The following CCDC171 variants were observed in gnomAD, a reference collection of about 807,000 sequenced individuals.
CCDC171 encodes the protein coiled-coil domain-containing protein 171.
A neutral mutation model predicts 168.2 loss-of-function variants in CCDC171; 177 were observed. The ratio of observed to expected loss-of-function variants is 1.05; its 90% confidence interval spans 0.93 to 1.19. The LOEUF (loss-of-function observed/expected upper bound fraction) is 1.19. Ranked by LOEUF, CCDC171 falls within the 50% of genes most tolerant of loss-of-function variation. The pLI is 0.00. For synonymous variants in CCDC171, 687 were observed against 540.8 expected (o/e 1.27, Z -3.75); for missense variants, 1,991 against 1,539.0 (o/e 1.29, Z -4.91).
chr9:15,734,600 A>G (rs1372209448), intron 16 of CCDC171, among the ~76,000 whole-genome samples: 1 of 152,170 alleles, frequency 6.6e-6, no homozygotes, highest in African/African-American at 2.4e-5. Flanking sequence ...ATTTATGTAC[A>G]TATTTGCTTT....
chr9:15,960,427 A>G (rs1209851662), intron 25 of CCDC171, among the ~76,000 whole-genome samples: 1 of 152,218 alleles, frequency 6.6e-6, no homozygotes, highest in African/African-American at 2.4e-5. Flanking sequence ...ATATGGGTTT[A>G]GGTATCTTTA....
rs562456555 is a variant in CCDC171, at chr9:15,660,888, A to G, written c.915+3669A>G. Among the ~76,000 whole-genome samples, 5 of 152,278 alleles carry G rather than the reference A, an allele frequency of 3.3e-5. No individual in the cohort carries two copies. In the South Asian group the frequency reaches 6.2e-4, roughly 19 times the overall value. On this transcript the variant is annotated intron_variant, in intron 8 of 25. Coordinates refer to ENST00000380701, the MANE Select transcript of CCDC171 (RefSeq NM_173550.4). ...AATGGTAGTTCTGAGTTCTTTGAGA[A>G]ATCTCCACTCCACTTTCCGCAGTGG...
chr9:15,917,978 A>G (rs912443269), intron 24 of CCDC171, among the ~76,000 whole-genome samples: 7 of 151,760 alleles, frequency 4.6e-5, no homozygotes, highest in African/African-American at 1.4e-4. Context: ...AATAGTAATA[A>G]TACTACAATG....
chr9:15,924,556 A>C (rs558603657), intron 25 of CCDC171, among the ~76,000 whole-genome samples: 1 of 151,510 alleles, frequency 6.6e-6, no homozygotes, highest in Non-Finnish European at 1.5e-5. Context: ...TACAAATTTC[A>C]TCATTTTATC....
intron 16 of CCDC171, among the ~76,000 whole-genome samples, chr9:15,740,905 T>C (rs1419603067): frequency 6.6e-6 from 1 of 152,216 alleles, no homozygotes; most frequent in Non-Finnish European, 1.5e-5. Flanking sequence ...AATAATTGAA[T>C]CTTTGTGATG....
chr9:15,639,348 A>G (rs2046424767), intron 7 of CCDC171, among the ~76,000 whole-genome samples: 1 of 152,092 alleles, frequency 6.6e-6, no homozygotes. Context: ...TTGGAACTTC[A>G]GTTAAAAATT....
intron 9 of CCDC171, among the ~76,000 whole-genome samples, chr9:15,677,902 A>G (rs2049728421): frequency 9.5e-5 from 2 of 21,100 alleles, no homozygotes; most frequent in African/African-American, 2.2e-4. Context: ...ATATATATAT[A>G]TATATATATA....
At chr9:15,691,542 T>TATA (rs1554762137) in intron 10 of CCDC171, among the ~76,000 whole-genome samples, 8,393 of 112,610 alleles carry the variant, frequency 0.075, 594 homozygotes, top group Admixed American at 0.14. Flanking sequence ...TAAATATATG[T>TATA]TTTTTATATA....
chr9:15,718,906 C>T (rs2053267314), intron 11 of CCDC171, among the ~76,000 whole-genome samples: 1 of 152,176 alleles, frequency 6.6e-6, no homozygotes, highest in African/African-American at 2.4e-5. Context: ...AAATAACTAA[C>T]TCGTCAATGC....
At chr9:15,696,235 G>A (rs1039812) in intron 11 of CCDC171, among the ~76,000 whole-genome samples, 141,870 of 152,292 alleles carry the variant, frequency 0.93, 66,225 homozygotes, top group East Asian at 1. Context: ...AGTTCAGGAA[G>A]TTTTTGTCCT....
rs184386921 is a variant in CCDC171 at position 15,641,445 on chromosome 9, C to G, written c.823-15682C>G. 2.9e-4 allele frequency among the ~76,000 whole-genome samples: 44 copies of G among 152,254 alleles called. No homozygotes were observed. The Middle Eastern group carries it at 0.01, about 35-fold the overall frequency. On this transcript the variant is annotated intron_variant, in intron 7 of 25. Transcript: ENST00000380701. ...CTGTTTTGTTTACTCAATCTTTCAG[C>G]ACATTCATTGTACACATATGTTTTC...
chr9:15,977,586 A>T (rs1831662517), downstream of CCDC171, among the ~76,000 whole-genome samples: 1 of 152,212 alleles, frequency 6.6e-6, no homozygotes, highest in South Asian at 2.1e-4. Context: ...TGTTATCTGA[A>T]GACAGTTTTT....
chr9:15,891,023 T>C (rs904197328), intron 24 of CCDC171, among the ~76,000 whole-genome samples: 2 of 152,188 alleles, frequency 1.3e-5, no homozygotes, highest in Non-Finnish European at 1.5e-5. Flanking sequence ...TTCAGGTATA[T>C]TGAAAATTGT....
intron 25 of CCDC171, among the ~76,000 whole-genome samples, chr9:15,944,127 G>T (rs1458403066): frequency 6.6e-6 from 1 of 151,904 alleles, no homozygotes; most frequent in African/African-American, 2.4e-5. Flanking sequence ...ACCCTTACAG[G>T]TTTTTTTGTG....
At chr9:15,601,422 A>G (rs2042842279) in intron 6 of CCDC171, among the ~76,000 whole-genome samples, 1 of 151,906 alleles carries the variant, frequency 6.6e-6, no homozygotes, top group Non-Finnish European at 1.5e-5. Context: ...TCTTCCCATT[A>G]CCTCTTCTGT....
chr9:15,563,194 A>G (rs1053626698), intron 1 of CCDC171, among the ~76,000 whole-genome samples: 11 of 150,020 alleles, frequency 7.3e-5, no homozygotes, highest in Admixed American at 2.0e-4. Context: ...GCTTGAGTGC[A>G]ATGGTGCAAT....
At chr9:15,744,245 C>T in intron 16 of CCDC171, 28 bp from the exon 17 acceptor site, 2 of 1,524,112 alleles carry the variant, frequency 1.3e-6, no homozygotes, top group Non-Finnish European at 1.8e-6. Context: ...GTTTCATGAT[C>T]AAATATATTT....
At chr9:16,009,233 C>A (rs946583818) in intron 3 of CCDC171, among the ~76,000 whole-genome samples, 2 of 151,990 alleles carry the variant, frequency 1.3e-5, no homozygotes, top group African/African-American at 4.8e-5. Context: ...AGTGGTCTGA[C>A]CTTAGGAGGG....
In CCDC171 at chr9:15,625,704, G is replaced by A. The variant is rs566402805; in HGVS notation, c.822+2291G>A. Reference sequence around the variant, plus strand: ...TCTGTTTTGGTAGCAGTACTATGCTGTTTTGGTTACTGTAGCCTTGTATTA... The same window carrying A: ...TCTGTTTTGGTAGCAGTACTATGCTATTTTGGTTACTGTAGCCTTGTATTA... On this transcript the variant is annotated intron_variant, in intron 7 of 25. Coordinates refer to ENST00000380701, the MANE Select transcript of CCDC171 (RefSeq NM_173550.4). 2.0e-5 allele frequency among the ~76,000 whole-genome samples: 3 copies of A among 152,296 alleles called. No individual in the cohort carries two copies. In the South Asian group the frequency reaches 6.2e-4, roughly 32 times the overall value.
Sources: allele counts gnomAD v4.1 joint callset (sites outside exome capture counted in the v4.1 genomes callset), GRCh38; gene constraint gnomAD v4.1.1; transcripts MANE v1.5; gene names NCBI Gene and HGNC (gene_info 2026-07-23, HGNC 2026-07-21).